PEX5L: variants seen among roughly 807,000 people sequenced by gnomAD.
The protein encoded by PEX5L is peroxisomal biogenesis factor 5 like, also known as PEX5-related protein.
In PEX5L, 30 loss-of-function variants were observed where a neutral mutation model predicts 84.0. The observed-to-expected ratio is 0.36, with a 90% confidence interval of 0.27 to 0.48. The LOEUF is 0.48. PEX5L is among the 20% of genes least tolerant of loss of function. The pLI, the probability that PEX5L is intolerant of heterozygous loss-of-function variation, is 0.99. For synonymous variants in PEX5L, 270 were observed against 283.1 expected, an observed-to-expected ratio of 0.95 and a Z score of 0.46; for missense variants, 533 against 754.6, an observed-to-expected ratio of 0.71 and a Z score of 3.44.
At chr3:180,000,432 A>G (rs755900061) in intron 1 of PEX5L, among the ~76,000 whole-genome samples, 14 of 152,172 alleles carry the variant, frequency 9.2e-5, no homozygotes, top group Non-Finnish European at 1.5e-4. Context: ...CAACAGCCCA[A>G]TCCAGGCAGG....
intron 2 of PEX5L, among the ~76,000 whole-genome samples, chr3:179,954,207 G>GTT (rs1560895757): frequency 4.9e-5 from 5 of 102,666 alleles, no homozygotes; most frequent in Admixed American, 2.7e-4. Context: ...CATTAGTCGG[G>GTT]GGGGGGGGAA....
rs567838746 is a variant in PEX5L, at chr3:179,907,231, G to A, written c.94-8985C>T. Reference sequence around the variant, plus strand: ...CCAAATTAAAAAAAAAAGTCACAAGGAAGAATTTCATCCTCCTACTAAATT... The same window carrying A: ...CCAAATTAAAAAAAAAAGTCACAAGAAAGAATTTCATCCTCCTACTAAATT... On this transcript the variant is annotated intron_variant, in intron 2 of 14. Coordinates refer to ENST00000467460, the MANE Select transcript of PEX5L (RefSeq NM_016559.3). Among the ~76,000 whole-genome samples, 11 of 151,984 alleles carry A rather than the reference G, an allele frequency of 7.2e-5. No individual in the cohort carries two copies. The East Asian group carries it at 1.9e-3, about 27-fold the overall frequency.
intron 1 of PEX5L, chr3:179,973,599 T>C: frequency 1.0e-6 from 1 of 984,758 alleles, no homozygotes; most frequent in Non-Finnish European, 1.2e-6. Context: ...AGCTCTTGAT[T>C]TCCCCTTTTT....
chr3:179,801,779 A>G lies in PEX5L; in HGVS notation c.*49T>C. On this transcript the variant is annotated 3_prime_UTR_variant, in exon 15 of 15. Coordinates refer to ENST00000467460, the MANE Select transcript of PEX5L (RefSeq NM_016559.3). The stretch of plus-strand genomic sequence containing the variant: ...ATAATAAAATAGTTTTTGATTTTTC[A>G]GTACAATCACACAGATCAGGGATTA... The G allele has an allele frequency of 8.6e-7, 1 of 1,165,482 alleles. No individual in the cohort carries two copies. The highest frequency in any genetic ancestry group is 1.2e-5 in the South Asian group (1 of 80,088). The allele number at this position is 1,165,482 out of a possible 1,614,324, so 72.2% of individuals were successfully genotyped here. A position where few individuals can be genotyped will look rare whatever the true frequency, so the allele number is the denominator to read the frequency against.
chr3:179,808,004 A>T (rs921549629), intron 13 of PEX5L, among the ~76,000 whole-genome samples, 173 bp from the exon 14 acceptor site: 5 of 152,158 alleles, frequency 3.3e-5, no homozygotes, highest in African/African-American at 1.2e-4. Flanking sequence ...TTGTCAAATG[A>T]CTTTCACTCG....
chr3:179,825,959 T>C (rs187581039), intron 8 of PEX5L, among the ~76,000 whole-genome samples: 67 of 152,322 alleles, frequency 4.4e-4, no homozygotes, highest in Non-Finnish European at 7.5e-4. Context: ...TTCAGAAGTA[T>C]GGCAAAACAA....
At chr3:180,021,946 A>T (rs564254596) in intron 1 of PEX5L, among the ~76,000 whole-genome samples, 35 of 152,356 alleles carry the variant, frequency 2.3e-4, no homozygotes, top group Non-Finnish European at 4.1e-4. Flanking sequence ...CCAAAAACAC[A>T]TGTATTTTAA....
chr3:179,933,094 A>G (rs965790132), intron 2 of PEX5L, among the ~76,000 whole-genome samples: 2 of 152,184 alleles, frequency 1.3e-5, no homozygotes, highest in African/African-American at 4.8e-5. Context: ...TCCACATATA[A>G]GTGAGAGCAC....
At chr3:179,881,963 T>G (rs1358068709) in intron 4 of PEX5L, among the ~76,000 whole-genome samples, 2 of 152,028 alleles carry the variant, frequency 1.3e-5, no homozygotes, top group Non-Finnish European at 1.5e-5. Flanking sequence ...CTGCCTGGCT[T>G]TATGTCTAAA....
intron 1 of PEX5L, among the ~76,000 whole-genome samples, chr3:179,997,636 T>C (rs1788017439): frequency 6.6e-6 from 1 of 152,200 alleles, no homozygotes; most frequent in Non-Finnish European, 1.5e-5. Flanking sequence ...CCCATTCAAC[T>C]CTCCCATTTG....
intron 11 of PEX5L, among the ~76,000 whole-genome samples, chr3:179,810,095 C>T (rs1012525470): frequency 7.2e-6 from 1 of 138,588 alleles, no homozygotes; most frequent in Non-Finnish European, 1.5e-5. Flanking sequence ...CTCACTGCAA[C>T]CTCTGCCACC....
chr3:180,036,550 T>C (rs767643358), intron 1 of PEX5L, 29 bp downstream of exon 1: 1 of 1,610,496 alleles, frequency 6.2e-7, no homozygotes, highest in Admixed American at 1.7e-5. Context: ...CCCCCAAGAA[T>C]TCTCTCCAGC....
intron 2 of PEX5L, among the ~76,000 whole-genome samples, chr3:179,902,348 C>G (rs1761672693): frequency 6.6e-6 from 1 of 152,192 alleles, no homozygotes; most frequent in Non-Finnish European, 1.5e-5. Flanking sequence ...TCTCTGACTG[C>G]CATAAATGTC....
chr3:179,837,783 C>A (rs544268791), intron 8 of PEX5L, among the ~76,000 whole-genome samples: 6 of 152,284 alleles, frequency 3.9e-5, no homozygotes, highest in Non-Finnish European at 8.8e-5. Flanking sequence ...CGGATAAATA[C>A]GTTGGGTATT....
In PEX5L at chr3:179,809,478, C is replaced by A. The variant is rs902209451; in HGVS notation, c.1345G>T (p.Val449Phe). The A allele has an allele frequency of 6.2e-7, 1 of 1,612,752 alleles. No homozygotes were observed. Among genetic ancestry groups the A allele is most frequent in the Admixed American group, 1.7e-5 (1 of 60,008 alleles). Residue 449 changes from valine (V) to phenylalanine (F), a missense_variant, in exon 12 of 15, where the codon GTT becomes TTT. By Grantham distance (50) the Val-to-Phe change is conservative. Transcript: ENST00000467460. ...ATATAACGAGAAGGATACCTATCAA[C>A]TGGGGACTTAGACATCCGCCGGGTG... ...GLTRRMSKSPVDSSVLEGVKE... is the reference protein window; with the variant it reads ...GLTRRMSKSPFDSSVLEGVKE...
At chr3:179,928,868 C>T (rs1050814767) in intron 2 of PEX5L, among the ~76,000 whole-genome samples, 1 of 152,188 alleles carries the variant, frequency 6.6e-6, no homozygotes, top group African/African-American at 2.4e-5. Context: ...GCAAAATCAT[C>T]AAGATCCAGG....
Position 179,875,361 on chromosome 3 carries a change from G to C in PEX5L, c.622C>G (p.Leu208Val). The change falls in exon 6 of 15, where the codon CTC (leucine) becomes GTC (valine). Residue 208 changes from leucine (L) to valine (V), a missense_variant. Physicochemically the swap from Leu to Val is conservative, Grantham distance 32. Coordinates refer to ENST00000467460, the MANE Select transcript of PEX5L (RefSeq NM_016559.3). Reference sequence around the variant, plus strand: ...GGTATTAAAATACCTTACCATAAGAGCTCTTTTGATCCAGTTCTAGATGAG... The same window carrying C: ...GGTATTAAAATACCTTACCATAAGACCTCTTTTGATCCAGTTCTAGATGAG... Reference protein sequence around the residue: ...SSSSRTGSKELLWSSEHRSQP... With the variant: ...SSSSRTGSKEVLWSSEHRSQP... 1 of 1,613,858 alleles carries C rather than the reference G, an allele frequency of 6.2e-7. No individual in the cohort carries two copies. The highest frequency in any genetic ancestry group is 8.5e-7 in the Non-Finnish European group (1 of 1,179,800).
At chr3:179,931,547 A>G (rs1773119188) in intron 2 of PEX5L, among the ~76,000 whole-genome samples, 1 of 152,246 alleles carries the variant, frequency 6.6e-6, no homozygotes, top group Admixed American at 6.5e-5. Flanking sequence ...CTTTTTTTCA[A>G]GATTATAAAT....
At position 179,880,122 on chromosome 3, in the gene PEX5L, T is replaced by C. The variant is rs1753729249; in HGVS notation, c.312A>G (p.Val104=). The part of the protein sequence containing the change: ...IARPVTSNTA[V]LTTGLDLLDL... ...CGAGGAGATCTAAGCCAGTGGTCAA[T>C]ACTACCAGAAATGGAAGAGGTTAAG... The change falls in exon 5 of 15, where the codon GTA becomes GTG. Residue 104 remains valine, a splice_region_variant and synonymous_variant. Transcript: ENST00000467460. 1 of 1,589,394 alleles carries C rather than the reference T, an allele frequency of 6.3e-7. No homozygotes were observed. Among genetic ancestry groups the C allele is most frequent in the Admixed American group, 1.8e-5 (1 of 54,930 alleles).
Sources: allele counts gnomAD v4.1 joint callset (sites outside exome capture counted in the v4.1 genomes callset), GRCh38; gene constraint gnomAD v4.1.1; transcripts MANE v1.5; gene names NCBI Gene and HGNC (gene_info 2026-07-23, HGNC 2026-07-21).